The following RALA variants were observed in gnomAD, a reference collection of about 807,000 sequenced individuals.
RALA encodes the protein RAS like proto-oncogene A, also known as ras-related protein Ral-A.
RALA carries 5 observed loss-of-function variants against 24.0 expected under a neutral mutation model. The ratio of observed to expected loss-of-function variants is 0.21; its 90% CI spans 0.11 to 0.44. RALA has a LOEUF of 0.44. Ranked by LOEUF, RALA falls within the 20% of genes least tolerant of loss-of-function variation. The probability of loss-of-function intolerance (pLI) is 0.99; values close to 1 mark genes in which losing one functional copy is unlikely to be tolerated. For synonymous variants in RALA, 77 were observed against 83.8 expected (o/e 0.92, Z 0.44); for missense variants, 95 against 241.2 (o/e 0.39, Z 4.01).
chr7:39,637,442 A>G (rs1246715254), intron 1 of RALA, among the ~76,000 whole-genome samples: 5 of 152,202 alleles, frequency 3.3e-5, no homozygotes, highest in African/African-American at 1.2e-4. Flanking sequence ...TTTAGCACCA[A>G]TTCATTATGT....
At chr7:39,680,524 C>A (rs960971708) in intron 1 of RALA, among the ~76,000 whole-genome samples, 4 of 150,454 alleles carry the variant, frequency 2.7e-5, no homozygotes, top group African/African-American at 9.8e-5. Flanking sequence ...TGCAGTGAGC[C>A]GAGAGTGCGC....
At chr7:39,625,487 G>A (rs1791467476) in intron 1 of RALA, among the ~76,000 whole-genome samples, 1 of 152,146 alleles carries the variant, frequency 6.6e-6, no homozygotes, top group Non-Finnish European at 1.5e-5. Flanking sequence ...GGATAACGTG[G>A]TGCTTCCCAG....
intron 1 of RALA, among the ~76,000 whole-genome samples, chr7:39,676,751 T>C (rs1043400449): frequency 6.6e-6 from 1 of 152,160 alleles, no homozygotes; most frequent in African/African-American, 2.4e-5. Context: ...GAGTATTCCT[T>C]AGTAAGTATT....
chr7:39,701,246 C>T (rs1210169945), intron 4 of RALA, among the ~76,000 whole-genome samples: 6 of 152,148 alleles, frequency 3.9e-5, no homozygotes, highest in Admixed American at 3.3e-4. Context: ...CAGGTGCCAC[C>T]ACACCTATAA....
At position 39,653,741 on chromosome 7, in the gene RALA, C is replaced by A. The variant is rs116241697; in HGVS notation, c.-38+29916C>A. Among the ~76,000 whole-genome samples, 1,172 of 152,146 alleles carry A rather than the reference C, an allele frequency of 7.7e-3. 20 individuals are homozygous for A. The highest frequency in any genetic ancestry group is 0.027 in the African/African-American group (1,115 of 41,454). ...TGTAGTAGCTTATAGCTTCTGAGAC[C>A]AGCATTTAATTTGTTTGTAGTACAT... is the stretch of plus-strand genomic sequence containing the variant. On this transcript the variant is annotated intron_variant, in intron 1 of 4. Coordinates refer to ENST00000005257, the MANE Select transcript of RALA (RefSeq NM_005402.4).
intron 4 of RALA, among the ~76,000 whole-genome samples, chr7:39,701,677 A>G (rs889324652): frequency 6.6e-6 from 1 of 152,250 alleles, no homozygotes; most frequent in Non-Finnish European, 1.5e-5. Flanking sequence ...CTAGCTCTCC[A>G]TAAGATCATT....
At chr7:39,688,482 A>T (rs1266693489) in intron 2 of RALA, among the ~76,000 whole-genome samples, 1 of 152,106 alleles carries the variant, frequency 6.6e-6, no homozygotes, top group African/African-American at 2.4e-5. Flanking sequence ...TTTGTTTCAT[A>T]CTGTTTATTT....
At chr7:39,650,471 G>A (rs1027816340) in intron 1 of RALA, among the ~76,000 whole-genome samples, 1 of 152,158 alleles carries the variant, frequency 6.6e-6, no homozygotes, top group African/African-American at 2.4e-5. Context: ...ATATGAGTGG[G>A]AGAGGGGAAG....
intron 1 of RALA, among the ~76,000 whole-genome samples, chr7:39,659,567 T>G (rs2115991131): frequency 6.6e-6 from 1 of 152,332 alleles, no homozygotes; most frequent in Middle Eastern, 3.4e-3. Context: ...TTACCCTACA[T>G]GATTCGTAAT....
At position 39,707,808 on chromosome 7, in the gene RALA, T is replaced by G. The variant is rs1793145919; in HGVS notation, c.*1563T>G. On this transcript the variant is annotated 3_prime_UTR_variant, in exon 5 of 5. Transcript: ENST00000005257. ...GCTTCTCATGTTAAATATTTGTCCT[T>G]AAAGGGTTTGAGATGTACATCTTTC... 6.6e-6 allele frequency: 1 copy of G among 152,666 alleles called. No homozygotes were observed. The highest frequency in any genetic ancestry group is 2.4e-5 in the African/African-American group (1 of 41,456). The allele number at this position is 152,666 out of a possible 1,614,324, so 9.5% of individuals were successfully genotyped here. A position where few individuals can be genotyped will look rare whatever the true frequency, so the allele number is the denominator to read the frequency against.
intron 1 of RALA, among the ~76,000 whole-genome samples, chr7:39,674,462 AG>A (rs1170397904): frequency 1.3e-5 from 2 of 152,148 alleles, no homozygotes; most frequent in African/African-American, 4.8e-5. Context: ...TTAATGTGCT[AG>A]ATTCTATCTG....
chr7:39,626,032 G>A (rs1791479601), intron 1 of RALA, among the ~76,000 whole-genome samples: 1 of 152,080 alleles, frequency 6.6e-6, no homozygotes, highest in Admixed American at 6.6e-5. Context: ...ATGTTAATGA[G>A]GAAAAAGACT....
chr7:39,626,486 GATACTGATTCCTCTCT>G (rs1311913830), intron 1 of RALA, among the ~76,000 whole-genome samples: 1 of 152,244 alleles, frequency 6.6e-6, no homozygotes, highest in Non-Finnish European at 1.5e-5. Flanking sequence ...GGAAGGTGAA[GATACTGATTCCTCTCT>G]CTTGGACATC....
At chr7:39,638,601 G>A (rs558781699) in intron 1 of RALA, among the ~76,000 whole-genome samples, 1 of 151,980 alleles carries the variant, frequency 6.6e-6, no homozygotes, top group African/African-American at 2.4e-5. Flanking sequence ...ATGCCACCAG[G>A]CCTGGCTAAT....
chr7:39,674,046 T>TAAAA (rs869068791), intron 1 of RALA, among the ~76,000 whole-genome samples: 3 of 29,092 alleles, frequency 1.0e-4, no homozygotes, highest in African/African-American at 1.5e-4. Context: ...GCACTGTAAA[T>TAAAA]AAATAAATAA....
intron 1 of RALA, among the ~76,000 whole-genome samples, chr7:39,683,842 C>A (rs1583746839): frequency 2.3e-5 from 1 of 43,672 alleles, no homozygotes. Context: ...TTCTTTTGAA[C>A]ACACACACAC....
chr7:39,634,803 C>A (rs1791658715), intron 1 of RALA, among the ~76,000 whole-genome samples: 1 of 151,982 alleles, frequency 6.6e-6, no homozygotes, highest in African/African-American at 2.4e-5. Context: ...CCATTTGTTG[C>A]TATGCTTATT....
chr7:39,700,402 A>G (rs1793006082), intron 4 of RALA: 1 of 152,266 alleles, frequency 6.6e-6, no homozygotes, highest in Non-Finnish European at 1.5e-5. Flanking sequence ...GCTGGCCATT[A>G]TCCAAGGATG....
chr7:39,696,724 A>G lies in RALA; in HGVS notation c.363A>G (p.Pro121=). The G allele has an allele frequency of 8.7e-6, 14 of 1,610,322 alleles. No individual in the cohort carries two copies. Among genetic ancestry groups the G allele is most frequent in the Non-Finnish European group, 1.2e-5 (14 of 1,177,714 alleles). ...ILRVKEDENV[P]FLLVGNKSDL... is the part of the protein sequence containing the mutation. ...GAGTAAAAGAAGATGAGAATGTTCCATTTCTACTGGTTGGTAACAAATCAG... is the reference window on the plus strand; with the variant it reads ...GAGTAAAAGAAGATGAGAATGTTCCGTTTCTACTGGTTGGTAACAAATCAG... The change falls in exon 4 of 5, where the codon CCA becomes CCG. Residue 121 remains proline (P), a synonymous_variant. Transcript: ENST00000005257.
Sources: allele counts gnomAD v4.1 joint callset (sites outside exome capture counted in the v4.1 genomes callset), GRCh38; gene constraint gnomAD v4.1.1; transcripts MANE v1.5; gene names NCBI Gene and HGNC (gene_info 2026-07-23, HGNC 2026-07-21).